Variants in VOPP1 observed in about 807,000 individuals in gnomAD.
VOPP1 encodes WW domain binding protein VOPP1.
Under a neutral mutation model 23.5 loss-of-function variants are expected in VOPP1, and 8 were observed. The observed-to-expected ratio is 0.34, with a 90% CI of 0.20 to 0.61. VOPP1 has a LOEUF of 0.61. Among genes scored for constraint, VOPP1 ranks in the 20% least tolerant of loss-of-function variants. The pLI, the probability that VOPP1 is intolerant of heterozygous loss-of-function variation, is 0.78. For synonymous variants in VOPP1, 83 were observed against 97.3 expected (o/e 0.85, Z 0.86); for missense variants, 174 against 238.1 (o/e 0.73, Z 1.77).
intron 4 of VOPP1, among the ~76,000 whole-genome samples, chr7:55,484,773 T>C (rs1039569354): frequency 7.2e-5 from 11 of 152,226 alleles, no homozygotes; most frequent in African/African-American, 2.7e-4. Flanking sequence ...TATGCGTTCA[T>C]ACTCCCTCAG....
intron 2 of VOPP1, among the ~76,000 whole-genome samples, chr7:55,500,950 T>C (rs917893521): frequency 2.0e-5 from 3 of 152,178 alleles, no homozygotes; most frequent in African/African-American, 7.2e-5. Flanking sequence ...CACTTGATTT[T>C]CCTATTCTTC....
chr7:55,538,834 G>C (rs62454993), intron 1 of VOPP1, among the ~76,000 whole-genome samples: 1 of 149,894 alleles, frequency 6.7e-6, no homozygotes, highest in Non-Finnish European at 1.5e-5. Context: ...AAAAAAAAAG[G>C]AGAAACAAGA....
intron 4 of VOPP1, among the ~76,000 whole-genome samples, chr7:55,454,728 G>A (rs1366701264): frequency 6.6e-6 from 1 of 152,144 alleles, no homozygotes; most frequent in Non-Finnish European, 1.5e-5. Flanking sequence ...ATGCAGAAAA[G>A]GTCTTCGACA....
chr7:55,512,711 G>A (rs10280832), intron 2 of VOPP1, among the ~76,000 whole-genome samples: 2,470 of 152,288 alleles, frequency 0.016, 68 homozygotes, highest in African/African-American at 0.056. Flanking sequence ...AAGCGCCCCC[G>A]CCCCCATTGC....
intron 4 of VOPP1, among the ~76,000 whole-genome samples, chr7:55,448,556 CAGG>C (rs4049448): frequency 0.28 from 42,569 of 152,080 alleles, 6,770 homozygotes; most frequent in East Asian, 0.54. Flanking sequence ...TGGCAGTTGG[CAGG>C]AGATCTCAGC....
intron 4 of VOPP1, among the ~76,000 whole-genome samples, chr7:55,460,533 A>C (rs947429425): frequency 6.6e-6 from 1 of 152,208 alleles, no homozygotes; most frequent in African/African-American, 2.4e-5. Context: ...ATTGAAGTCT[A>C]TCTCTCCCTA....
chr7:55,450,271 C>T (rs1439430780), intron 4 of VOPP1, among the ~76,000 whole-genome samples: 3 of 152,222 alleles, frequency 2.0e-5, no homozygotes, highest in Admixed American at 6.5e-5. Context: ...ACCAGTCCTC[C>T]GCCTCTTCTC....
At chr7:55,562,521 G>A (rs952202460) in intron 1 of VOPP1, among the ~76,000 whole-genome samples, 1 of 152,186 alleles carries the variant, frequency 6.6e-6, no homozygotes, top group African/African-American at 2.4e-5. Context: ...TGCAATAGGG[G>A]TCAATCTATC....
rs552183438 is a variant in VOPP1 at position 55,505,712 on chromosome 7, T to C, written c.114-8022A>G. Among the ~76,000 whole-genome samples, 165 of 141,960 alleles carry C rather than the reference T, an allele frequency of 1.2e-3. No homozygotes were observed. In the East Asian group the frequency reaches 0.014, roughly 12 times the overall value. The allele number at this position is 141,960 out of a possible 152,430, so 93.1% of individuals were successfully genotyped here. A position where few individuals can be genotyped will look rare whatever the true frequency, so the allele number is the denominator to read the frequency against. ...GAGGGAGGGAGGGAGGGAAGGAACTTGTACATATGATCAACATTGCAAGCC... is the reference window on the plus strand; with the variant it reads ...GAGGGAGGGAGGGAGGGAAGGAACTCGTACATATGATCAACATTGCAAGCC... On this transcript the variant is annotated intron_variant, in intron 2 of 4. Coordinates refer to ENST00000285279, the MANE Select transcript of VOPP1 (RefSeq NM_030796.5).
At chr7:55,531,909 C>T (rs1391050771) in intron 1 of VOPP1, among the ~76,000 whole-genome samples, 3 of 152,242 alleles carry the variant, frequency 2.0e-5, no homozygotes, top group Non-Finnish European at 4.4e-5. Flanking sequence ...AACTCAACCA[C>T]CACACTTAAG....
At chr7:55,517,013 C>G (rs1795498568) in intron 2 of VOPP1, among the ~76,000 whole-genome samples, 1 of 130,360 alleles carries the variant, frequency 7.7e-6, no homozygotes, top group Admixed American at 9.0e-5. Context: ...TGGTGTGGCT[C>G]ACTGCAACCT....
intron 2 of VOPP1, 80 bp from the exon 3 acceptor site, chr7:55,497,770 A>G: frequency 8.1e-7 from 1 of 1,233,644 alleles, no homozygotes; most frequent in Non-Finnish European, 1.2e-6. Context: ...GCTGGGCTTC[A>G]ATGTAATCAT....
chr7:55,464,780 C>T (rs1791592489), intron 4 of VOPP1, among the ~76,000 whole-genome samples: 1 of 152,152 alleles, frequency 6.6e-6, no homozygotes, highest in Non-Finnish European at 1.5e-5. Flanking sequence ...GGAGGCTGGC[C>T]TCTCAAAATA....
At chr7:55,516,668 C>G (rs1795428099) in intron 2 of VOPP1, among the ~76,000 whole-genome samples, 1 of 152,084 alleles carries the variant, frequency 6.6e-6, no homozygotes, top group Non-Finnish European at 1.5e-5. Flanking sequence ...AGTTTGCAAC[C>G]TAGATGTTCC....
At chr7:55,447,476 A>G (rs115733536) in intron 4 of VOPP1, among the ~76,000 whole-genome samples, 1,705 of 152,272 alleles carry the variant, frequency 0.011, 37 homozygotes, top group African/African-American at 0.039. Context: ...TCCTCAAAGG[A>G]CAGGGGAGAG....
chr7:55,475,394 G>A (rs1230864053), intron 4 of VOPP1, among the ~76,000 whole-genome samples: 4 of 152,146 alleles, frequency 2.6e-5, no homozygotes, highest in East Asian at 1.9e-4. Context: ...GAACATGGCC[G>A]GCAGCCTCCA....
chr7:55,530,342 T>C (rs1362155434), intron 1 of VOPP1, among the ~76,000 whole-genome samples: 2 of 152,332 alleles, frequency 1.3e-5, no homozygotes, highest in South Asian at 2.1e-4. Context: ...TGACCAATGA[T>C]GTAAGACTCT....
At chr7:55,546,254 G>C (rs951824868) in intron 1 of VOPP1, among the ~76,000 whole-genome samples, 2 of 152,230 alleles carry the variant, frequency 1.3e-5, no homozygotes, top group Non-Finnish European at 2.9e-5. Context: ...ACAGTCGAGG[G>C]AGATGTAGAC....
intron 2 of VOPP1, among the ~76,000 whole-genome samples, chr7:55,499,005 C>G (rs1266663269): frequency 6.6e-6 from 1 of 152,254 alleles, no homozygotes; most frequent in South Asian, 2.1e-4. Flanking sequence ...CACTCCACCC[C>G]CACGCCATTC....
Sources: allele counts gnomAD v4.1 joint callset (sites outside exome capture counted in the v4.1 genomes callset), GRCh38; gene constraint gnomAD v4.1.1; transcripts MANE v1.5; gene names NCBI Gene and HGNC (gene_info 2026-07-23, HGNC 2026-07-21).